Variants in EVC2 observed in about 807,000 individuals in gnomAD.
EVC2 encodes the protein limbin.
In EVC2, 148 loss-of-function variants were observed where a neutral mutation model predicts 149.3. The ratio of observed to expected loss-of-function variants is 0.99; its 90% CI spans 0.87 to 1.14. The LOEUF is 1.14. Ranked by LOEUF, EVC2 falls within the 50% of genes most tolerant of loss-of-function variation. EVC2 has a pLI of 0.00. For missense variants in EVC2, 1,854 were observed against 1,627.3 expected (o/e 1.14, Z -2.40); for synonymous variants, 776 against 649.9 (o/e 1.19, Z -2.95).
In EVC2 at chr4:5,622,356, C is replaced by T. The variant is rs1715749969; in HGVS notation, c.2501+181G>A. On this transcript the variant is annotated intron_variant, in intron 14 of 21. Transcript: ENST00000344408. The surrounding 1 kb of genome is among the most constrained non-coding windows in gnomAD (Gnocchi z 5.8). ...CACTCTGCTCAATCCTTGTAGGGTC[C>T]TGCGTGACATTCGAGGTCCTCCCCC... Among the ~76,000 whole-genome samples, 1 of 152,018 alleles carries T rather than the reference C, an allele frequency of 6.6e-6. No homozygotes were observed.
In EVC2 at chr4:5,562,803, T is replaced by A. The variant is rs781697445; in HGVS notation, c.*45A>T. 1.2e-6 allele frequency: 2 copies of A among 1,611,126 alleles called. No homozygotes were observed. Among genetic ancestry groups the A allele is most frequent in the South Asian group, 2.2e-5 (2 of 90,940 alleles). On this transcript the variant is annotated 3_prime_UTR_variant, in exon 22 of 22. Transcript: ENST00000344408. The surrounding 1 kb of genome is among the most constrained non-coding windows in gnomAD (Gnocchi z 4.3). ...ACAAACACCGGCGGGCAGGAGAAAA[T>A]CATCCCTTCTCTCTTCAGATGCTCC...
chr4:5,699,878 C>T (rs774376186), intron 1 of EVC2, among the ~76,000 whole-genome samples: 4 of 152,020 alleles, frequency 2.6e-5, no homozygotes, highest in Non-Finnish European at 4.4e-5. Flanking sequence ...TAGTGGCTCA[C>T]GCCTGTAATC....
At chr4:5,623,598 C>T (rs1400196649) in intron 13 of EVC2, among the ~76,000 whole-genome samples, 2 of 152,122 alleles carry the variant, frequency 1.3e-5, no homozygotes, top group Non-Finnish European at 2.9e-5. Context: ...CCTCGGCCTC[C>T]TAAACTGCTG....
intron 14 of EVC2, among the ~76,000 whole-genome samples, chr4:5,619,718 T>G (rs1188914637): frequency 6.6e-6 from 1 of 152,186 alleles, no homozygotes; most frequent in East Asian, 1.9e-4. Flanking sequence ...CCCTCTTCCT[T>G]TCCAGCAAGG....
chr4:5,641,795 T>G (rs1278380360), intron 9 of EVC2, among the ~76,000 whole-genome samples: 1 of 152,224 alleles, frequency 6.6e-6, no homozygotes, highest in African/African-American at 2.4e-5. Flanking sequence ...TATTTTACCT[T>G]AAGTTCTGGG....
chr4:5,668,037 G>A (rs1164173676), intron 7 of EVC2, among the ~76,000 whole-genome samples: 1 of 152,138 alleles, frequency 6.6e-6, no homozygotes, highest in Non-Finnish European at 1.5e-5. Context: ...CTGCACAATG[G>A]AAAGCATATT....
At chr4:5,665,679 T>C (rs1032482657) in intron 7 of EVC2, 30 bp from the exon 8 acceptor site, 2 of 1,612,520 alleles carry the variant, frequency 1.2e-6, no homozygotes, top group African/African-American at 1.3e-5. Flanking sequence ...GCAGGATTCA[T>C]GTGTGGTCAG....
intron 12 of EVC2, among the ~76,000 whole-genome samples, chr4:5,627,607 T>C (rs1413966508): frequency 6.6e-6 from 1 of 152,194 alleles, no homozygotes; most frequent in Non-Finnish European, 1.5e-5. Context: ...TCAGAGCTTT[T>C]TGTAACCTAA....
At chr4:5,586,503 T>G (rs894853640) in intron 16 of EVC2, among the ~76,000 whole-genome samples, 6 of 152,170 alleles carry the variant, frequency 3.9e-5, no homozygotes, top group Admixed American at 3.3e-4. Context: ...AAGGGGGAGC[T>G]GAACATGCCT....
upstream of EVC2, chr4:5,709,300 G>T (rs1722428367): frequency 1.3e-5 from 2 of 152,344 alleles, no homozygotes; most frequent in African/African-American, 2.4e-5. Flanking sequence ...AGGGGGACTG[G>T]TGGAGCCTTT....
chr4:5,700,096 C>T (rs1222234064), intron 1 of EVC2, among the ~76,000 whole-genome samples: 2 of 151,778 alleles, frequency 1.3e-5, no homozygotes, highest in Non-Finnish European at 2.9e-5. Context: ...GTGGAGATGG[C>T]GCCACTGCAC....
At chr4:5,690,516 G>A (rs1721050334) in intron 4 of EVC2, among the ~76,000 whole-genome samples, 1 of 152,028 alleles carries the variant, frequency 6.6e-6, no homozygotes, top group African/African-American at 2.4e-5. Context: ...GACCTCTGGA[G>A]GGGCTAGAGA....
At chr4:5,572,308 G>A (rs56143402) in intron 19 of EVC2, among the ~76,000 whole-genome samples, 28,889 of 152,156 alleles carry the variant, frequency 0.19, 3,586 homozygotes, top group Admixed American at 0.3. Flanking sequence ...GAACATTTGT[G>A]TCTCTTCCAA....
chr4:5,694,488 A>C lies in EVC2; in HGVS notation c.297T>G (p.Leu99=), dbSNP rs780711879. 151 of 1,614,094 alleles carry C rather than the reference A, an allele frequency of 9.4e-5. 1 individual carries two copies. The highest frequency in any genetic ancestry group is 1.1e-4 in the Non-Finnish European group (135 of 1,180,036). The change falls in exon 3 of 22, where the codon CTT becomes CTG. Residue 99 remains leucine, a synonymous_variant. Transcript: ENST00000344408. Reference sequence around the variant, plus strand: ...CCATTTTCTTGTCCAATTTCATTCCAAGTGGTGCTTCCACTGCAAAACAAC... The same window carrying C: ...CCATTTTCTTGTCCAATTTCATTCCCAGTGGTGCTTCCACTGCAAAACAAC... The part of the protein sequence containing the change: ...CHFKTAVEAP[L]GMKLDKKMEV...
intron 16 of EVC2, among the ~76,000 whole-genome samples, chr4:5,610,331 G>A (rs1380839473): frequency 1.3e-5 from 2 of 152,090 alleles, no homozygotes; most frequent in Non-Finnish European, 2.9e-5. Flanking sequence ...GCACTAAAAC[G>A]CAAACAAAGG....
intron 1 of EVC2, among the ~76,000 whole-genome samples, chr4:5,702,943 T>A (rs978045540): frequency 6.6e-6 from 1 of 152,234 alleles, no homozygotes; most frequent in African/African-American, 2.4e-5. Context: ...AAGCTTAGCA[T>A]AGTAACAGAG....
intron 8 of EVC2, among the ~76,000 whole-genome samples, chr4:5,665,263 T>C (rs949277733): frequency 6.6e-6 from 1 of 152,086 alleles, no homozygotes; most frequent in African/African-American, 2.4e-5. Flanking sequence ...CGTTCTGTGA[T>C]TGTGCCTAGG....
chr4:5,632,689 G>A (rs1419337541), intron 10 of EVC2, among the ~76,000 whole-genome samples: 1 of 152,196 alleles, frequency 6.6e-6, no homozygotes, highest in Non-Finnish European at 1.5e-5. Context: ...GAGGTCTTTA[G>A]AAATGGCTGC....
intron 16 of EVC2, among the ~76,000 whole-genome samples, chr4:5,590,172 G>T (rs1229083608): frequency 6.6e-6 from 1 of 152,072 alleles, no homozygotes; most frequent in Admixed American, 6.6e-5. Context: ...AGGTGTGGGG[G>T]AGAAGAACCC....
Sources: gnomAD v4.1 joint callset for allele counts (sites outside exome capture counted in the v4.1 genomes callset) on GRCh38, gnomAD v4.1.1 for gene constraint, Gnocchi (gnomAD v3.1) non-coding constraint, MANE v1.5 for transcripts, NCBI Gene and HGNC (gene_info 2026-07-23, HGNC 2026-07-21) for gene names.